Variants in CDK17 observed in about 807,000 individuals in gnomAD.
CDK17 encodes the protein cyclin-dependent kinase 17.
A neutral mutation model predicts 77.6 loss-of-function variants in CDK17; 24 were observed. The observed-to-expected ratio is 0.31, with a 90% CI of 0.22 to 0.44. The LOEUF is 0.44. Ranked by LOEUF, CDK17 falls within the 20% of genes least tolerant of loss-of-function variation. The probability of loss-of-function intolerance (pLI) is 1.00; values close to 1 mark genes in which losing one functional copy is unlikely to be tolerated. For missense variants in CDK17, 429 were observed against 622.5 expected (o/e 0.69, Z 3.31); for synonymous variants, 203 against 210.4 (o/e 0.96, Z 0.30).
chr12:96,317,057 G>GA (rs1952740230), intron 3 of CDK17, among the ~76,000 whole-genome samples: 2 of 125,162 alleles, frequency 1.6e-5, no homozygotes, highest in South Asian at 3.1e-4. Flanking sequence ...TGAAAACTTT[G>GA]AAAAAAATTT....
chr12:96,386,155 C>G (rs893792908), intron 1 of CDK17, among the ~76,000 whole-genome samples: 4 of 152,130 alleles, frequency 2.6e-5, no homozygotes, highest in Non-Finnish European at 5.9e-5. Flanking sequence ...CCACAGCTGG[C>G]CAATTTTTTA....
intron 1 of CDK17, among the ~76,000 whole-genome samples, chr12:96,358,545 G>A (rs575530666): frequency 5.4e-4 from 82 of 152,142 alleles, no homozygotes; most frequent in African/African-American, 1.7e-3. Context: ...TACAGGGGCC[G>A]GGCACATGGC....
At chr12:96,293,152 AAAAAC>A (rs1474071947) in intron 10 of CDK17, among the ~76,000 whole-genome samples, 8 of 152,210 alleles carry the variant, frequency 5.3e-5, no homozygotes, top group African/African-American at 1.9e-4. Flanking sequence ...TTTTTTTTAT[AAAAAC>A]AAAACAGTAA....
intron 1 of CDK17, among the ~76,000 whole-genome samples, chr12:96,375,025 T>C (rs1953755897): frequency 6.6e-6 from 1 of 152,194 alleles, no homozygotes. Flanking sequence ...AATCTTACTA[T>C]ATTTCTCTGC....
At chr12:96,319,542 A>C (rs1298166832) in intron 3 of CDK17, among the ~76,000 whole-genome samples, 1 of 141,610 alleles carries the variant, frequency 7.1e-6, no homozygotes, top group African/African-American at 2.7e-5. Flanking sequence ...TTGATGCAAA[A>C]ATCCTCAATA....
intron 16 of CDK17, 50 bp from the exon 17 acceptor site, chr12:96,280,329 CACAT>C: frequency 6.5e-7 from 1 of 1,542,404 alleles, no homozygotes; most frequent in Admixed American, 2.0e-5. Context: ...AGTTTTATCC[CACAT>C]ACAGTTATTT....
rs559037474 is a variant in CDK17 at position 96,289,919 on chromosome 12, T to C, written c.998-632A>G. Among the ~76,000 whole-genome samples, 59 of 152,288 alleles carry C rather than the reference T, an allele frequency of 3.9e-4. 1 individual carries two copies. Among genetic ancestry groups the C allele is most frequent in the African/African-American group, 1.3e-3 (55 of 41,558 alleles). The stretch of plus-strand genomic sequence containing the variant: ...ATTGTCCTTGGATATTATTAATTGC[T>C]GTTTACGTCAGGGGTGTCCAATCTT... On this transcript the variant is annotated intron_variant, in intron 10 of 16. Transcript: ENST00000261211.
At chr12:96,344,875 G>GT (rs915329913) in intron 1 of CDK17, among the ~76,000 whole-genome samples, 14 of 152,144 alleles carry the variant, frequency 9.2e-5, no homozygotes, top group Non-Finnish European at 1.9e-4. Context: ...GAGCAGGCTT[G>GT]TTACATAGGT....
chr12:96,313,764 G>C (rs1952673313), intron 3 of CDK17, among the ~76,000 whole-genome samples: 1 of 152,122 alleles, frequency 6.6e-6, no homozygotes, highest in Non-Finnish European at 1.5e-5. Flanking sequence ...TCATTTTCTA[G>C]ATCTGGGAAC....
At chr12:96,309,499 G>A (rs1489360570) in intron 5 of CDK17, among the ~76,000 whole-genome samples, 2 of 152,154 alleles carry the variant, frequency 1.3e-5, no homozygotes, top group Non-Finnish European at 2.9e-5. Flanking sequence ...ACTGCAATAA[G>A]AAAAGTTATC....
intron 1 of CDK17, among the ~76,000 whole-genome samples, chr12:96,391,270 GTTGTT>G (rs1392966010): frequency 6.7e-6 from 1 of 148,780 alleles, no homozygotes; most frequent in African/African-American, 2.5e-5. Flanking sequence ...GGGGCGGGGG[GTTGTT>G]TTGTTTTTGA....
At chr12:96,319,978 G>C (rs1034579019) in intron 3 of CDK17, among the ~76,000 whole-genome samples, 52 of 150,680 alleles carry the variant, frequency 3.5e-4, no homozygotes, top group African/African-American at 1.2e-3. Flanking sequence ...GGAAATAAAG[G>C]GTATTCAATT....
intron 1 of CDK17, among the ~76,000 whole-genome samples, chr12:96,378,271 T>C (rs571973017): frequency 6.6e-6 from 1 of 152,366 alleles, no homozygotes; most frequent in South Asian, 2.1e-4. Context: ...CATGAACTCA[T>C]GGATATTATT....
chr12:96,328,927 A>G (rs1952930103), intron 2 of CDK17, among the ~76,000 whole-genome samples: 1 of 152,210 alleles, frequency 6.6e-6, no homozygotes, highest in Non-Finnish European at 1.5e-5. Context: ...AAAATATTCT[A>G]ACACTTCCAG....
At chr12:96,303,813 G>A (rs1425026738) in intron 5 of CDK17, among the ~76,000 whole-genome samples, 1 of 152,082 alleles carries the variant, frequency 6.6e-6, no homozygotes, top group African/African-American at 2.4e-5. Context: ...TCACAGGCTG[G>A]AGATGCTGTT....
intron 1 of CDK17, among the ~76,000 whole-genome samples, chr12:96,340,406 T>A (rs1310531061): frequency 6.6e-6 from 1 of 152,132 alleles, no homozygotes; most frequent in Non-Finnish European, 1.5e-5. Context: ...TACTATAAAA[T>A]TTTCAAATAA....
chr12:96,298,741 T>C (rs1190158689), intron 7 of CDK17, 128 bp downstream of exon 7: 7 of 542,456 alleles, frequency 1.3e-5, no homozygotes, highest in Admixed American at 7.3e-5. Flanking sequence ...TTTAGAAATT[T>C]GCTTTTTAAA....
At chr12:96,394,282 G>A (rs561900019) in intron 1 of CDK17, among the ~76,000 whole-genome samples, 50 of 151,772 alleles carry the variant, frequency 3.3e-4, no homozygotes, top group Admixed American at 2.8e-3. Context: ...ATTTACCAAC[G>A]TTGTTTACAT....
At chr12:96,382,501 C>T (rs1953900436) in intron 1 of CDK17, among the ~76,000 whole-genome samples, 1 of 152,052 alleles carries the variant, frequency 6.6e-6, no homozygotes, top group Non-Finnish European at 1.5e-5. Flanking sequence ...TCCTCCCTAA[C>T]TCATTCTAGG....
Sources: allele counts gnomAD v4.1 joint callset (sites outside exome capture counted in the v4.1 genomes callset), GRCh38; gene constraint gnomAD v4.1.1; transcripts MANE v1.5; gene names NCBI Gene and HGNC (gene_info 2026-07-23, HGNC 2026-07-21).